SHOC2: variants seen among roughly 807,000 people sequenced by gnomAD.
SHOC2 encodes the protein leucine-rich repeat protein SHOC-2.
Under a neutral mutation model 50.2 loss-of-function variants are expected in SHOC2, and 4 were observed. That is an observed-to-expected ratio of 0.08 (90% CI 0.04 to 0.18). The LOEUF is 0.18. SHOC2 is among the 10% of genes least tolerant of loss of function. The probability of loss-of-function intolerance (pLI) is 1.00; values close to 1 mark genes in which losing one functional copy is unlikely to be tolerated. For missense variants in SHOC2, 388 were observed against 669.6 expected, an observed-to-expected ratio of 0.58 and a Z score of 4.64; for synonymous variants, 218 against 244.5, an observed-to-expected ratio of 0.89 and a Z score of 1.01.
At chr10:110,971,385 G>T (rs1037757290) in intron 2 of SHOC2, among the ~76,000 whole-genome samples, 13 of 151,918 alleles carry the variant, frequency 8.6e-5, no homozygotes, top group Non-Finnish European at 1.8e-4. Flanking sequence ...TTATTTCTGG[G>T]TTCTCTACTC....
intron 1 of SHOC2, among the ~76,000 whole-genome samples, chr10:110,951,040 A>G (rs11195386): frequency 0.076 from 11,626 of 152,312 alleles, 824 homozygotes; most frequent in East Asian, 0.3. Flanking sequence ...GAGAAATGGT[A>G]TTGCATCAAC....
intron 5 of SHOC2, among the ~76,000 whole-genome samples, chr10:111,005,493 A>G (rs1014199668): frequency 6.6e-6 from 1 of 152,218 alleles, no homozygotes; most frequent in African/African-American, 2.4e-5. Flanking sequence ...ATCAAGTGGA[A>G]GAAAGTTAAA....
At chr10:110,934,658 C>T (rs1201203458) in intron 1 of SHOC2, among the ~76,000 whole-genome samples, 1 of 152,032 alleles carries the variant, frequency 6.6e-6, no homozygotes, top group Non-Finnish European at 1.5e-5. Flanking sequence ...CCTTTTATAT[C>T]TTACATGGTG....
intron 3 of SHOC2, among the ~76,000 whole-genome samples, chr10:110,989,228 T>A (rs1258043431): frequency 6.6e-6 from 1 of 152,202 alleles, no homozygotes; most frequent in Non-Finnish European, 1.5e-5. Context: ...ATCAATGAGT[T>A]TATTCTACTT....
At position 111,009,338 on chromosome 10, in the gene SHOC2, A is replaced by C; in HGVS notation, c.1375A>C (p.Lys459Gln). 1 of 1,609,146 alleles carries C rather than the reference A, an allele frequency of 6.2e-7. No homozygotes were observed. The highest frequency in any genetic ancestry group is 8.5e-7 in the Non-Finnish European group (1 of 1,175,758). Residue 459 changes from lysine to glutamine, a missense_variant, in exon 7 of 9, where the codon AAA becomes CAA. By Grantham distance (53) the Lys-to-Gln change is moderately conservative (BLOSUM62 1). Around this residue, in one of 5 missense-constraint regions of SHOC2, gnomAD observed 130 missense variants for 208.6 expected, o/e 0.62. Coordinates refer to ENST00000369452, the MANE Select transcript of SHOC2 (RefSeq NM_007373.4). The part of the protein sequence containing the change: ...KLRELDLEEN[K>Q]LESLPNEIAY... Reference sequence around the variant, plus strand: ...AAGAGAGTTGGATCTAGAAGAGAACAAATTGGAATCCTTGCCAAATGAAAT... The same window carrying C: ...AAGAGAGTTGGATCTAGAAGAGAACCAATTGGAATCCTTGCCAAATGAAAT...
At chr10:110,982,038 A>G (rs866082109) in intron 2 of SHOC2, among the ~76,000 whole-genome samples, 2,204 of 121,100 alleles carry the variant, frequency 0.018, 33 homozygotes, top group Non-Finnish European at 0.026. Context: ...CCAGAGTGTG[A>G]TGTTCCCCTT....
chr10:110,929,585 A>G (rs1846848698), intron 1 of SHOC2, among the ~76,000 whole-genome samples: 1 of 152,204 alleles, frequency 6.6e-6, no homozygotes, highest in Non-Finnish European at 1.5e-5. Flanking sequence ...TCCGAGATTG[A>G]GGTGCCAGCC....
At chr10:110,985,555 T>C in intron 2 of SHOC2, 73 bp from the exon 3 acceptor site, 2 of 1,117,898 alleles carry the variant, frequency 1.8e-6, no homozygotes, top group South Asian at 2.7e-5. Context: ...TAGATTTATT[T>C]TCTTGCTTAG....
chr10:111,005,282 C>G (rs1400442794), intron 5 of SHOC2, among the ~76,000 whole-genome samples: 1 of 151,862 alleles, frequency 6.6e-6, no homozygotes, highest in Non-Finnish European at 1.5e-5. Flanking sequence ...CCCCATCCCC[C>G]CAAAAAAGGA....
chr10:110,967,912 T>C (rs546646418), intron 2 of SHOC2, among the ~76,000 whole-genome samples: 2 of 152,224 alleles, frequency 1.3e-5, no homozygotes, highest in African/African-American at 4.8e-5. Context: ...CTGACTGTTA[T>C]GAGTATAGTT....
intron 2 of SHOC2, among the ~76,000 whole-genome samples, chr10:110,975,363 C>T (rs572812976): frequency 2.0e-5 from 3 of 151,962 alleles, no homozygotes; most frequent in Non-Finnish European, 2.9e-5. Flanking sequence ...CACCGTGTCT[C>T]GATCTCCTGA....
At position 110,920,304 on chromosome 10, in the gene SHOC2, T is replaced by C. The variant is rs181609271; in HGVS notation, c.-235+647T>C. Among the ~76,000 whole-genome samples, 23 of 152,236 alleles carry C rather than the reference T, an allele frequency of 1.5e-4. No homozygotes were observed. In the East Asian group the frequency reaches 4.3e-3, roughly 28 times the overall value. Reference sequence around the variant, plus strand: ...AGACCGCCTCGTAGAACATGCCCGATGGCAACCTCTCCCCGTGATAGCACA... The same window carrying C: ...AGACCGCCTCGTAGAACATGCCCGACGGCAACCTCTCCCCGTGATAGCACA... On this transcript the variant is annotated intron_variant, in intron 1 of 8. Coordinates refer to ENST00000369452, the MANE Select transcript of SHOC2 (RefSeq NM_007373.4).
intron 3 of SHOC2, among the ~76,000 whole-genome samples, chr10:110,996,691 A>C (rs1316607164): frequency 1.3e-5 from 2 of 152,196 alleles, no homozygotes; most frequent in Non-Finnish European, 2.9e-5. Flanking sequence ...CCTTCTATAA[A>C]ATACAGTTTT....
chr10:110,975,576 C>T (rs1478824730), intron 2 of SHOC2, among the ~76,000 whole-genome samples: 7 of 136,062 alleles, frequency 5.1e-5, no homozygotes, highest in African/African-American at 1.2e-4. Context: ...TGTTTTATAG[C>T]ATATCACTCA....
chr10:111,000,644 T>C, intron 4 of SHOC2, 99 bp downstream of exon 4: 1 of 1,087,882 alleles, frequency 9.2e-7, no homozygotes, highest in Non-Finnish European at 1.4e-6. Context: ...AATTTGGTGA[T>C]TGAGATTGTT....
rs542735470 is a variant in SHOC2 at position 110,941,524 on chromosome 10, G to T, written c.-235+21867G>T. On this transcript the variant is annotated intron_variant, in intron 1 of 8. Coordinates refer to ENST00000369452, the MANE Select transcript of SHOC2 (RefSeq NM_007373.4). ...TTTTTGTATTTTTAGTAGAGACAGG[G>T]TTTCGCCATGTTGGCCAGGCCAGTC... 3.3e-5 allele frequency among the ~76,000 whole-genome samples: 5 copies of T among 151,794 alleles called. No individual in the cohort carries two copies. The Middle Eastern group carries it at 0.014, about 413-fold the overall frequency.
chr10:110,948,657 A>G (rs1268103094), intron 1 of SHOC2, among the ~76,000 whole-genome samples: 1 of 152,212 alleles, frequency 6.6e-6, no homozygotes, highest in Non-Finnish European at 1.5e-5. Context: ...AAAAAGGGAC[A>G]TTTGAAAAGG....
At chr10:110,935,993 ATTTTC>A (rs1846999736) in intron 1 of SHOC2, among the ~76,000 whole-genome samples, 1 of 151,308 alleles carries the variant, frequency 6.6e-6, no homozygotes, top group African/African-American at 2.4e-5. Context: ...ATCATCAAGT[ATTTTC>A]TTAAAGTTTA....
rs1051303978 is a variant in SHOC2, at chr10:110,964,526, C to T, written c.168C>T (p.Asp56=). 1 of 1,614,090 alleles carries T rather than the reference C, an allele frequency of 6.2e-7. No individual in the cohort carries two copies. Among genetic ancestry groups the T allele is most frequent in the Non-Finnish European group, 8.5e-7 (1 of 1,179,996 alleles). ...AAGATGCCAAAGATGGAAAGAAGGA[C>T]TCCAGTGCTGCCCAACCAGGGGTGG... The part of the protein sequence containing the change: ...KGKDAKDGKK[D]SSAAQPGVAF... Residue 56 remains aspartate (D), a synonymous_variant, in exon 2 of 9, where the codon GAC becomes GAT. Transcript: ENST00000369452. This position sits in a 1 kb window ranked among gnomAD's most constrained non-coding sequence, Gnocchi z 4.9.
Sources: gnomAD v4.1 joint callset for allele counts (sites outside exome capture counted in the v4.1 genomes callset) on GRCh38, gnomAD v4.1.1 for gene constraint, gnomAD v4.1.1 regional missense constraint, Gnocchi (gnomAD v3.1) non-coding constraint, MANE v1.5 for transcripts, NCBI Gene and HGNC (gene_info 2026-07-23, HGNC 2026-07-21) for gene names.